The following ARHGAP15 variants were observed in gnomAD, a reference collection of about 807,000 sequenced individuals.
ARHGAP15 encodes the protein Rho GTPase activating protein 15.
ARHGAP15 carries 51 observed loss-of-function variants against 63.7 expected under a neutral mutation model. That is an observed-to-expected ratio of 0.80 (90% CI 0.64 to 1.01). The LOEUF is 1.01. ARHGAP15 is among the 50% of genes least tolerant of loss of function. The pLI, the probability that ARHGAP15 is intolerant of heterozygous loss-of-function variation, is 0.00. For missense variants in ARHGAP15, 560 were observed against 564.6 expected, an observed-to-expected ratio of 0.99 and a Z score of 0.08; for synonymous variants, 191 against 193.8, an observed-to-expected ratio of 0.99 and a Z score of 0.12.
chr2:143,607,632 A>T (rs1454729847), intron 11 of ARHGAP15: 2 of 152,018 alleles, frequency 1.3e-5, no homozygotes, highest in African/African-American at 4.8e-5. Context: ...GAATTTGGCC[A>T]GTATGTTTGC....
chr2:143,683,635 C>A (rs1056766456), intron 12 of ARHGAP15, among the ~76,000 whole-genome samples: 3 of 152,138 alleles, frequency 2.0e-5, no homozygotes, highest in Non-Finnish European at 4.4e-5. Context: ...TATCTACATG[C>A]CACATTATTG....
chr2:143,213,462 G>A (rs1692632164), intron 3 of ARHGAP15, among the ~76,000 whole-genome samples: 1 of 152,114 alleles, frequency 6.6e-6, no homozygotes, highest in African/African-American at 2.4e-5. Flanking sequence ...GCGGTGAGCC[G>A]AGATTGCGCC....
intron 10 of ARHGAP15, among the ~76,000 whole-genome samples, chr2:143,522,669 A>G (rs993226950): frequency 6.8e-4 from 103 of 152,266 alleles, no homozygotes; most frequent in Non-Finnish European, 1.8e-4. Flanking sequence ...ACATAGCGTT[A>G]CATACACTAA....
intron 6 of ARHGAP15, among the ~76,000 whole-genome samples, chr2:143,310,991 T>C (rs750940903): frequency 6.6e-6 from 1 of 152,068 alleles, no homozygotes; most frequent in South Asian, 2.1e-4. Context: ...TTAAGCCCAG[T>C]CTGTTTCAAA....
At chr2:143,298,343 A>C (rs1682744077) in intron 6 of ARHGAP15, among the ~76,000 whole-genome samples, 1 of 151,972 alleles carries the variant, frequency 6.6e-6, no homozygotes. Context: ...CGTAATACTG[A>C]AACTCTTTAT....
intron 6 of ARHGAP15, among the ~76,000 whole-genome samples, chr2:143,402,485 TA>T (rs1157888241): frequency 6.7e-5 from 10 of 149,878 alleles, no homozygotes; most frequent in Admixed American, 1.4e-4. Context: ...ACAAAAGAAT[TA>T]ACCTGCTTGG....
intron 1 of ARHGAP15, among the ~76,000 whole-genome samples, chr2:143,150,561 G>A (rs1400063551): frequency 5.9e-5 from 9 of 152,076 alleles, no homozygotes; most frequent in South Asian, 2.1e-4. Context: ...GTTGGTACAC[G>A]TAAAATCAGG....
At chr2:143,618,356 T>C (rs1698523218) in intron 11 of ARHGAP15, among the ~76,000 whole-genome samples, 1 of 152,248 alleles carries the variant, frequency 6.6e-6, no homozygotes, top group Non-Finnish European at 1.5e-5. Context: ...CTCTGGCATC[T>C]CTTCCATTTG....
intron 13 of ARHGAP15, among the ~76,000 whole-genome samples, chr2:143,745,555 A>T (rs1467310896): frequency 6.6e-6 from 1 of 152,176 alleles, no homozygotes; most frequent in Non-Finnish European, 1.5e-5. Flanking sequence ...TTCACTCATC[A>T]CTTTGATAAA....
chr2:143,632,402 G>A (rs777201261), intron 12 of ARHGAP15, among the ~76,000 whole-genome samples: 7 of 151,776 alleles, frequency 4.6e-5, no homozygotes, highest in Non-Finnish European at 8.8e-5. Context: ...TAGGCAAGTC[G>A]GTGCTAAATT....
chr2:143,275,216 G>A (rs1034333410), intron 6 of ARHGAP15, among the ~76,000 whole-genome samples: 3 of 152,028 alleles, frequency 2.0e-5, no homozygotes, highest in South Asian at 2.1e-4. Context: ...ATCTTGATGG[G>A]GCAGGAGGAG....
chr2:143,455,582 C>T (rs1401787054), intron 8 of ARHGAP15, among the ~76,000 whole-genome samples: 1 of 152,062 alleles, frequency 6.6e-6, no homozygotes, highest in East Asian at 1.9e-4. Context: ...TTTTAGGTAG[C>T]TATTTCCCAT....
rs182317010 is a variant in ARHGAP15 at position 143,741,904 on chromosome 2, T to A, written c.1245-26085T>A. ...ACTCAGAAAGCTTTAATCCACCTGA[T>A]GATCTTATTTTCCCTTCTAAGTTAT... On this transcript the variant is annotated intron_variant, in intron 13 of 13. Coordinates refer to ENST00000295095, the MANE Select transcript of ARHGAP15 (RefSeq NM_018460.4). 2.0e-5 allele frequency among the ~76,000 whole-genome samples: 3 copies of A among 152,338 alleles called. No individual in the cohort carries two copies. The East Asian group carries it at 5.8e-4, about 29-fold the overall frequency.
intron 6 of ARHGAP15, among the ~76,000 whole-genome samples, chr2:143,256,234 TCA>T (rs555582947): frequency 3.3e-5 from 5 of 152,114 alleles, no homozygotes; most frequent in African/African-American, 4.8e-5. Flanking sequence ...CCACATCATC[TCA>T]CAATGTTTTG....
chr2:143,646,864 C>T (rs534025568), intron 12 of ARHGAP15, among the ~76,000 whole-genome samples: 2 of 151,966 alleles, frequency 1.3e-5, no homozygotes, highest in South Asian at 4.2e-4. Flanking sequence ...CCAAATAAGA[C>T]GTGTTTAATT....
chr2:143,667,136 CATT>C (rs1221800489), intron 12 of ARHGAP15, among the ~76,000 whole-genome samples: 1 of 150,704 alleles, frequency 6.6e-6, no homozygotes, highest in Non-Finnish European at 1.5e-5. Flanking sequence ...TTTATTGTGG[CATT>C]ATTCACAATA....
chr2:143,549,617 C>T (rs1028264222), intron 10 of ARHGAP15, among the ~76,000 whole-genome samples: 1 of 152,158 alleles, frequency 6.6e-6, no homozygotes, highest in African/African-American at 2.4e-5. Flanking sequence ...CTTTATCCTG[C>T]ACCAAGGAAG....
chr2:143,272,988 T>C (rs1681368120), intron 6 of ARHGAP15, among the ~76,000 whole-genome samples: 1 of 152,178 alleles, frequency 6.6e-6, no homozygotes, highest in Admixed American at 6.5e-5. Context: ...GATGTCAATA[T>C]AGACTATTTT....
At chr2:143,334,440 T>C (rs1008815600) in intron 6 of ARHGAP15, among the ~76,000 whole-genome samples, 2 of 152,168 alleles carry the variant, frequency 1.3e-5, no homozygotes, top group African/African-American at 4.8e-5. Context: ...TGCACACACA[T>C]ATGTGTCCAT....
Sources: gnomAD v4.1 joint callset for allele counts (sites outside exome capture counted in the v4.1 genomes callset) on GRCh38, gnomAD v4.1.1 for gene constraint, MANE v1.5 for transcripts, NCBI Gene and HGNC (gene_info 2026-07-23, HGNC 2026-07-21) for gene names.